Variants in PLCL1 observed in about 807,000 individuals in gnomAD.
PLCL1 encodes the protein phospholipase C like 1 (inactive), also known as inactive phospholipase C-like protein 1.
A neutral mutation model predicts 84.4 loss-of-function variants in PLCL1; 41 were observed. That is an observed-to-expected ratio of 0.49 (90% CI 0.38 to 0.63). The LOEUF (loss-of-function observed/expected upper bound fraction) is 0.63, where lower values mean the gene tolerates loss of function less well. PLCL1 is among the 30% of genes least tolerant of loss of function. The probability of loss-of-function intolerance (pLI) is 0.00; values close to 1 mark genes in which losing one functional copy is unlikely to be tolerated. For synonymous variants in PLCL1, 490 were observed against 488.3 expected, an observed-to-expected ratio of 1.00 and a Z score of -0.05; for missense variants, 1,206 against 1,367.8, an observed-to-expected ratio of 0.88 and a Z score of 1.87.
chr2:198,087,965 G>A (rs1692926632), intron 2 of PLCL1, among the ~76,000 whole-genome samples: 1 of 152,098 alleles, frequency 6.6e-6, no homozygotes, highest in Non-Finnish European at 1.5e-5. Flanking sequence ...TTAAAAAATA[G>A]AGTCCCAATA....
intron 1 of PLCL1, among the ~76,000 whole-genome samples, chr2:197,875,295 T>C (rs1275462176): frequency 6.6e-6 from 1 of 151,938 alleles, no homozygotes; most frequent in African/African-American, 2.4e-5. Context: ...CAAAAAAAAA[T>C]ACTGTATTAA....
At chr2:197,923,523 C>T (rs1293380534) in intron 1 of PLCL1, among the ~76,000 whole-genome samples, 7 of 132,864 alleles carry the variant, frequency 5.3e-5, no homozygotes, top group South Asian at 2.6e-4. Flanking sequence ...CCAGATGGGG[C>T]GGCGGGGCAG....
At chr2:198,056,805 C>T (rs1022483541) in intron 1 of PLCL1, among the ~76,000 whole-genome samples, 1 of 151,748 alleles carries the variant, frequency 6.6e-6, no homozygotes, top group African/African-American at 2.4e-5. Flanking sequence ...TGTAGATAGA[C>T]CTGTTGAAGT....
At chr2:198,126,991 A>AGTGTGTGT (rs368958990) in intron 5 of PLCL1, among the ~76,000 whole-genome samples, 3 of 129,154 alleles carry the variant, frequency 2.3e-5, no homozygotes, top group African/African-American at 9.3e-5. Flanking sequence ...TGAGTGTGTG[A>AGTGTGTGT]GTGTGTGTGT....
At chr2:197,845,962 A>G (rs565809122) in intron 1 of PLCL1, among the ~76,000 whole-genome samples, 13 of 152,240 alleles carry the variant, frequency 8.5e-5, no homozygotes, top group East Asian at 3.9e-4. Flanking sequence ...TCTCCAGTGC[A>G]CTTGATACTA....
intron 1 of PLCL1, among the ~76,000 whole-genome samples, chr2:198,015,967 T>G (rs1277813313): frequency 6.6e-6 from 1 of 152,238 alleles, no homozygotes; most frequent in Non-Finnish European, 1.5e-5. Context: ...CTTTCTAAAT[T>G]ACAATAGATT....
intron 5 of PLCL1, among the ~76,000 whole-genome samples, chr2:198,124,315 T>G (rs1416712493): frequency 6.6e-6 from 1 of 152,154 alleles, no homozygotes; most frequent in Non-Finnish European, 1.5e-5. Context: ...CCTGTCATAA[T>G]ATAATGTAAT....
intron 5 of PLCL1, among the ~76,000 whole-genome samples, chr2:198,115,538 G>A (rs974037859): frequency 6.6e-6 from 1 of 151,800 alleles, no homozygotes; most frequent in African/African-American, 2.4e-5. Context: ...GTTGAGCATT[G>A]TCAACATATG....
intron 1 of PLCL1, among the ~76,000 whole-genome samples, chr2:197,938,913 G>C (rs1689099524): frequency 6.6e-6 from 1 of 152,194 alleles, no homozygotes; most frequent in Non-Finnish European, 1.5e-5. Context: ...GCAATATTAA[G>C]AGTGGAAAGA....
intron 1 of PLCL1, among the ~76,000 whole-genome samples, chr2:197,977,436 C>T (rs76662825): frequency 0.022 from 3,350 of 152,286 alleles, 53 homozygotes; most frequent in Middle Eastern, 0.044. Flanking sequence ...ATTAGAACCT[C>T]TTCTGGCTTC....
At chr2:197,963,320 A>G (rs1339687453) in intron 1 of PLCL1, among the ~76,000 whole-genome samples, 1 of 152,060 alleles carries the variant, frequency 6.6e-6, no homozygotes, top group Admixed American at 6.6e-5. Context: ...TTTGATTTGC[A>G]TTTCTTTGAT....
intron 1 of PLCL1, among the ~76,000 whole-genome samples, chr2:197,979,000 G>C (rs546338178): frequency 1.1e-4 from 16 of 152,328 alleles, no homozygotes; most frequent in South Asian, 8.3e-4. Flanking sequence ...AGGACCTGCT[G>C]TACATCCACT....
At chr2:198,051,391 A>T (rs1035375328) in intron 1 of PLCL1, among the ~76,000 whole-genome samples, 2 of 152,206 alleles carry the variant, frequency 1.3e-5, no homozygotes, top group African/African-American at 4.8e-5. Context: ...TTAGATTTTT[A>T]ATGGTTATGA....
chr2:197,971,071 G>A (rs1360087353), intron 1 of PLCL1, among the ~76,000 whole-genome samples: 1 of 152,148 alleles, frequency 6.6e-6, no homozygotes, highest in African/African-American at 2.4e-5. Flanking sequence ...ACTCCTTATG[G>A]CTAACATTTT....
Position 198,084,806 on chromosome 2 carries a change from G to C in PLCL1, c.1289G>C (p.Gly430Ala). The change falls in exon 2 of 6, where the codon GGG (glycine) becomes GCG (alanine). Residue 430 changes from glycine to alanine, a missense_variant. By Grantham distance (60) the Gly-to-Ala change is moderately conservative. Transcript: ENST00000428675. ...TTCAGGGGGCCAGCTGACATCAATG[G>C]GTACATTAGAGCTTTGAAAATGGGC... Reference protein sequence around the residue: ...DQFRGPADINGYIRALKMGCR... With the variant: ...DQFRGPADINAYIRALKMGCR... 6.2e-7 allele frequency: 1 copy of C among 1,613,952 alleles called. No homozygotes were observed. The highest frequency in any genetic ancestry group is 1.7e-5 in the Admixed American group (1 of 60,018).
intron 1 of PLCL1, among the ~76,000 whole-genome samples, chr2:197,965,386 T>C (rs915663131): frequency 6.6e-6 from 1 of 152,158 alleles, no homozygotes; most frequent in African/African-American, 2.4e-5. Context: ...CTTTTGAATT[T>C]CTGTGGTATT....
chr2:198,067,436 C>G (rs549320652), intron 1 of PLCL1, among the ~76,000 whole-genome samples: 2 of 152,236 alleles, frequency 1.3e-5, no homozygotes, highest in African/African-American at 4.8e-5. Context: ...CCTTTGTGGC[C>G]CTCTTTTTGA....
At chr2:198,047,171 G>A (rs201983892) in intron 1 of PLCL1, among the ~76,000 whole-genome samples, 1 of 47,952 alleles carries the variant, frequency 2.1e-5, no homozygotes, top group East Asian at 3.2e-4. Context: ...GTGTATGTGT[G>A]TGTGTGTGTG....
intron 1 of PLCL1, among the ~76,000 whole-genome samples, chr2:197,961,251 G>A: frequency 6.6e-6 from 1 of 151,856 alleles, no homozygotes; most frequent in East Asian, 1.9e-4. Flanking sequence ...GAGAGAGAGA[G>A]AGAGAGAGAG....
Sources: gnomAD v4.1 joint callset for allele counts (sites outside exome capture counted in the v4.1 genomes callset) on GRCh38, gnomAD v4.1.1 for gene constraint, MANE v1.5 for transcripts, NCBI Gene and HGNC (gene_info 2026-07-23, HGNC 2026-07-21) for gene names.